The following SEC14L4 variants were observed in gnomAD, a reference collection of about 807,000 sequenced individuals.
SEC14L4 encodes the protein SEC14-like protein 4.
SEC14L4 carries 42 observed loss-of-function variants against 55.1 expected under a neutral mutation model. The observed-to-expected ratio is 0.76, with a 90% confidence interval of 0.60 to 0.99. The LOEUF is 0.99. Ranked by LOEUF, SEC14L4 falls within the 50% of genes least tolerant of loss-of-function variation. The probability of loss-of-function intolerance (pLI) is 0.00; values close to 1 mark genes in which losing one functional copy is unlikely to be tolerated. For synonymous variants in SEC14L4, 206 were observed against 206.8 expected, an observed-to-expected ratio of 1.00 and a Z score of 0.03; for missense variants, 445 against 512.1, an observed-to-expected ratio of 0.87 and a Z score of 1.27.
chr22:30,500,122 G>A (rs948843996), intron 2 of SEC14L4, among the ~76,000 whole-genome samples: 8 of 152,056 alleles, frequency 5.3e-5, no homozygotes, highest in African/African-American at 1.2e-4. Context: ...CGCCCACCTC[G>A]GCCTCCCAAA....
chr22:30,489,229 A>ATTTGTTTG lies in SEC14L4; in HGVS notation c.*870_*877dup, dbSNP rs71198557. 30,682 of 151,704 alleles carry ATTTGTTTG rather than the reference A, an allele frequency of 0.2. 3,576 individuals carry two copies. Among genetic ancestry groups the ATTTGTTTG allele is most frequent in the Admixed American group, 0.28 (4,203 of 15,182 alleles). 9.4% of individuals were successfully genotyped at this position (151,704 alleles called of 1,614,324 possible). On this transcript the variant is annotated 3_prime_UTR_variant, in exon 12 of 12. Coordinates refer to ENST00000255858, the MANE Select transcript of SEC14L4 (RefSeq NM_174977.4). ...TCTCCATGTCCAATGTTCTTTCTTT[A>ATTTGTTTG]TTTGTTTGTTTGTTTGTTTGTTTGT...
chr22:30,499,854 G>A (rs774060284), intron 2 of SEC14L4, among the ~76,000 whole-genome samples: 15 of 151,644 alleles, frequency 9.9e-5, no homozygotes, highest in African/African-American at 2.9e-4. Flanking sequence ...TAAAGAATTC[G>A]TATGAGCTAG....
intron 2 of SEC14L4, among the ~76,000 whole-genome samples, chr22:30,497,081 G>A (rs971069774): frequency 3.3e-5 from 5 of 152,166 alleles, no homozygotes; most frequent in Non-Finnish European, 7.3e-5. Flanking sequence ...GCTCACGCCT[G>A]TAATTCCAGC....
intron 2 of SEC14L4, among the ~76,000 whole-genome samples, chr22:30,498,364 G>A (rs1936216395): frequency 6.6e-6 from 1 of 152,064 alleles, no homozygotes; most frequent in Non-Finnish European, 1.5e-5. Context: ...GCCTCCCAAA[G>A]TGCTGGGATT....
In SEC14L4 at chr22:30,495,268, G is replaced by T. The variant is rs1188556838; in HGVS notation, c.409C>A (p.Leu137Met). ...VCELLLHECE[L>M]QTQKLGRKIE... ...CCGCTGCTCACCTTCTGAGTTTGCA[G>T]CTCACACTCATGCAACAGCAGCTCA... Residue 137 changes from leucine to methionine, a missense_variant, in exon 5 of 12, where the codon CTG (leucine) becomes ATG (methionine). Transcript: ENST00000255858. 6.2e-7 allele frequency: 1 copy of T among 1,611,186 alleles called. No individual in the cohort carries two copies. Among genetic ancestry groups the T allele is most frequent in the South Asian group, 1.1e-5 (1 of 90,584 alleles).
At chr22:30,502,798 G>A (rs1008647150) in intron 2 of SEC14L4, among the ~76,000 whole-genome samples, 1 of 152,164 alleles carries the variant, frequency 6.6e-6, no homozygotes, top group Non-Finnish European at 1.5e-5. Context: ...AAATCTGCCT[G>A]CCTCAGCCTC....
rs1183377442 is a variant in SEC14L4, at chr22:30,505,494, G to T, written c.54+64C>A. 4.1e-6 allele frequency: 6 copies of T among 1,475,622 alleles called. No individual in the cohort carries two copies. The South Asian group carries it at 6.0e-5, about 15-fold the overall frequency. 91.4% of individuals were successfully genotyped at this position (1,475,622 alleles called of 1,614,324 possible). A position where few individuals can be genotyped will look rare whatever the true frequency, so the allele number is the denominator to read the frequency against. ...GTCTGTACCATGGGGGCTCCAGCCG[G>T]GTTGGGCAGTGCCAGGCTGCTCAGG... On this transcript the variant is annotated intron_variant, in intron 1 of 11. Transcript: ENST00000255858.
chr22:30,502,872 C>G (rs1156896446), intron 2 of SEC14L4, among the ~76,000 whole-genome samples: 1 of 152,122 alleles, frequency 6.6e-6, no homozygotes, highest in African/African-American at 2.4e-5. Flanking sequence ...TTTTAGACTG[C>G]TGCTGTAATT....
chr22:30,503,814 GC>G (rs1936410757), intron 1 of SEC14L4, 62 bp from the exon 2 acceptor site: 2 of 1,305,474 alleles, frequency 1.5e-6, no homozygotes, highest in East Asian at 2.4e-5. Flanking sequence ...CACCAACCCC[GC>G]CCCTAACCCT....
intron 2 of SEC14L4, among the ~76,000 whole-genome samples, chr22:30,498,124 CTTTTTTTTTTT>C (rs869157636): frequency 2.0e-5 from 2 of 98,348 alleles, no homozygotes; most frequent in African/African-American, 4.2e-5. Context: ...TTTTCATTAT[CTTTTTTTTTTT>C]TTTTTTTTTT....
At position 30,495,424 on chromosome 22, in the gene SEC14L4, AG is replaced by A; in HGVS notation, c.252del (p.Ser85ArgfsTer36). On this transcript the variant is annotated frameshift_variant, in exon 5 of 12. Transcript: ENST00000255858. LOFTEE classifies it high-confidence loss of function. ...TAGTCGTAGCCACAAAGACCACCCG[AG>A]TCATACAGCTGGATGACCTGGAAGT... Reference protein sequence around the residue: ...WQPPEVIQLYDSGGLCGYDYE... With the variant: ...WQPPEVIQLYXSGGLCGYDYE... 1 of 1,613,756 alleles carries A rather than the reference AG, an allele frequency of 6.2e-7. No homozygotes were observed. Among genetic ancestry groups the A allele is most frequent in the South Asian group, 1.1e-5 (1 of 91,026 alleles).
At position 30,491,696 on chromosome 22, in the gene SEC14L4, G is replaced by A. The variant is rs1174001273; in HGVS notation, c.958C>T (p.Leu320=). ...TGCTGCTCCCCCATCTTGGTCTTCAGGAAAACCCCAAAGCCGATGTCCCCA... is the reference window on the plus strand; with the variant it reads ...TGCTGCTCCCCCATCTTGGTCTTCAAGAAAACCCCAAAGCCGATGTCCCCA... ...DGGDIGFGVF[L]KTKMGEQQSA... is the part of the protein sequence containing the mutation. Residue 320 remains leucine (L), a synonymous_variant, in exon 11 of 12, where the codon CTG becomes TTG. Coordinates refer to ENST00000255858, the MANE Select transcript of SEC14L4 (RefSeq NM_174977.4). The A allele has an allele frequency of 6.2e-7, 1 of 1,614,034 alleles. No individual in the cohort carries two copies. Among genetic ancestry groups the A allele is most frequent in the African/African-American group, 1.3e-5 (1 of 74,918 alleles).
chr22:30,495,361 G>C lies in SEC14L4; in HGVS notation c.316C>G (p.Leu106Val). The change falls in exon 5 of 12, where the codon CTC becomes GTC. Residue 106 changes from leucine (L) to valine (V), a missense_variant. Physicochemically the swap from Leu to Val is conservative, Grantham distance 32 (BLOSUM62 1). Transcript: ENST00000255858. Reference protein sequence around the residue: ...CPVYFNIIGSLDPKGLLLSAS... With the variant: ...CPVYFNIIGSVDPKGLLLSAS... ...GACAGCAGGAGACCCTTGGGGTCGA[G>C]GGACCCAATGATGTTGAAGTACACA... 1 of 1,614,024 alleles carries C rather than the reference G, an allele frequency of 6.2e-7. No homozygotes were observed.
In SEC14L4 at chr22:30,489,649, T is replaced by G; in HGVS notation, c.*458A>C. The G allele has an allele frequency of 5.0e-6, 3 of 603,132 alleles. No individual in the cohort carries two copies. The highest frequency in any genetic ancestry group is 8.9e-6 in the Non-Finnish European group (3 of 338,580). The allele number at this position is 603,132 out of a possible 1,614,324, so 37.4% of individuals were successfully genotyped here. On this transcript the variant is annotated 3_prime_UTR_variant, in exon 12 of 12. Transcript: ENST00000255858. ...GCCTCCAGCTGGGCCTGCCCACCCC[T>G]GCTGACCTCCTACATGCAGAGAACA...
chr22:30,500,949 AC>A (rs1433463149), intron 2 of SEC14L4, among the ~76,000 whole-genome samples: 2 of 151,318 alleles, frequency 1.3e-5, no homozygotes, highest in Admixed American at 6.6e-5. Context: ...TAATCCCCGC[AC>A]TTTGAGAGGC....
In SEC14L4 at chr22:30,494,937, G is replaced by T. The variant is rs1258580771; in HGVS notation, c.448C>A (p.Leu150Met). Residue 150 changes from leucine to methionine, a missense_variant, in exon 6 of 12, where the codon CTG becomes ATG. Physicochemically the swap from Leu to Met is conservative, Grantham distance 15 (BLOSUM62 2). Coordinates refer to ENST00000255858, the MANE Select transcript of SEC14L4 (RefSeq NM_174977.4). ...AGCCCCTCCATGTCAAACACCATCA[G>T]CGCCATCTCGATCTTCCTGCCCAGC... ...QKLGRKIEMA[L>M]MVFDMEGLSL... The T allele has an allele frequency of 6.2e-7, 1 of 1,613,326 alleles. No individual in the cohort carries two copies. The highest frequency in any genetic ancestry group is 2.2e-5 in the East Asian group (1 of 44,844).
At chr22:30,500,621 C>T (rs1219417242) in intron 2 of SEC14L4, among the ~76,000 whole-genome samples, 1 of 152,024 alleles carries the variant, frequency 6.6e-6, no homozygotes, top group Non-Finnish European at 1.5e-5. Context: ...CTGCCTCAGC[C>T]TCCCAAAGTG....
chr22:30,491,626 T>C lies in SEC14L4; in HGVS notation c.1028A>G (p.Asn343Ser). The C allele has an allele frequency of 6.2e-7, 1 of 1,614,150 alleles. No individual in the cohort carries two copies. Reference protein sequence around the residue: ...MTEVLPSQRYNAHMVPEDGSL... With the variant: ...MTEVLPSQRYSAHMVPEDGSL... ...CCCATCCTCAGGCACCATGTGGGCA[T>C]TGTAGCGCTGGCTGGGCAGCACCTC... The change falls in exon 11 of 12, where the codon AAT becomes AGT. Residue 343 changes from asparagine (N) to serine (S), a missense_variant. Coordinates refer to ENST00000255858, the MANE Select transcript of SEC14L4 (RefSeq NM_174977.4).
In SEC14L4 at chr22:30,489,104, G is replaced by T. The variant is rs1226318149; in HGVS notation, c.*1003C>A. 3.3e-5 allele frequency: 5 copies of T among 152,726 alleles called. No homozygotes were observed. The highest frequency in any genetic ancestry group is 5.8e-5 in the Non-Finnish European group (4 of 68,522). The allele number at this position is 152,726 out of a possible 1,614,324, so 9.5% of individuals were successfully genotyped here. On this transcript the variant is annotated 3_prime_UTR_variant, in exon 12 of 12. Transcript: ENST00000255858. ...GCAGGATCACAGCAGGTGTGGAGGGGAGGTCACTGGGAATTCCCTGGAGAC... is the reference window on the plus strand; with the variant it reads ...GCAGGATCACAGCAGGTGTGGAGGGTAGGTCACTGGGAATTCCCTGGAGAC...
Sources: gnomAD v4.1 joint callset for allele counts (sites outside exome capture counted in the v4.1 genomes callset) on GRCh38, gnomAD v4.1.1 for gene constraint, MANE v1.5 for transcripts, NCBI Gene and HGNC (gene_info 2026-07-23, HGNC 2026-07-21) for gene names.